The following ARL2BP variants were observed in gnomAD, a reference collection of about 807,000 sequenced individuals.
ARL2BP encodes the protein ADP-ribosylation factor-like protein 2-binding protein.
A neutral mutation model predicts 24.2 loss-of-function variants in ARL2BP; 19 were observed. The ratio of observed to expected loss-of-function variants is 0.79; its 90% CI spans 0.55 to 1.15. The LOEUF (loss-of-function observed/expected upper bound fraction) is 1.15, where lower values mean the gene tolerates loss of function less well. Among genes scored for constraint, ARL2BP ranks in the 50% most tolerant of loss-of-function variants. The pLI is 0.00. For missense variants in ARL2BP, 160 were observed against 190.4 expected, an observed-to-expected ratio of 0.84 and a Z score of 0.94; for synonymous variants, 56 against 70.5, an observed-to-expected ratio of 0.79 and a Z score of 1.03.
intron 1 of ARL2BP, 107 bp from the exon 2 acceptor site, chr16:57,245,973 C>G (rs1488559013): frequency 9.4e-7 from 1 of 1,059,186 alleles, no homozygotes; most frequent in African/African-American, 1.6e-5. Flanking sequence ...ATGGGAAGTT[C>G]GTTTTGCTAC....
chr16:57,249,956 C>G, intron 4 of ARL2BP, 104 bp downstream of exon 4: 1 of 1,068,196 alleles, frequency 9.4e-7, no homozygotes, highest in Non-Finnish European at 1.4e-6. Context: ...CTGTGCATGC[C>G]GTTGGTGGTT....
Position 57,252,410 on chromosome 16 carries a change from A to C in ARL2BP, c.*143A>C. 6.8e-7 allele frequency: 1 copy of C among 1,466,970 alleles called. No homozygotes were observed. 90.9% of individuals were successfully genotyped at this position (1,466,970 alleles called of 1,614,324 possible). ...TGTTAAGTATTAATAGGTCAAAACC[A>C]AAATGACCTAACCCTCCTGGACCTA... On this transcript the variant is annotated 3_prime_UTR_variant, in exon 6 of 6. Coordinates refer to ENST00000219204, the MANE Select transcript of ARL2BP (RefSeq NM_012106.4).
intron 3 of ARL2BP, 69 bp from the exon 4 acceptor site, chr16:57,249,698 C>A: frequency 1.6e-6 from 2 of 1,253,934 alleles, no homozygotes; most frequent in Non-Finnish European, 2.3e-6. Context: ...AAGGGCTGGG[C>A]AGGCTTTCTG....
chr16:57,245,277 T>A lies in ARL2BP; in HGVS notation c.-91T>A. The A allele has an allele frequency of 1.0e-5, 15 of 1,497,572 alleles. No individual in the cohort carries two copies. Among genetic ancestry groups the A allele is most frequent in the Non-Finnish European group, 1.4e-5 (15 of 1,103,564 alleles). The allele number at this position is 1,497,572 out of a possible 1,614,324, so 92.8% of individuals were successfully genotyped here. On this transcript the variant is annotated 5_prime_UTR_variant, in exon 1 of 6. The change creates a new upstream start codon in the 5' untranslated region. Transcript: ENST00000219204. ...ACCTGGCAGTGAGCTGGCCGCGGCC[T>A]TGGCTGAGAGGCCTTAACCCCGCCG...
chr16:57,247,270 T>C (rs1818434465), intron 2 of ARL2BP: 1 of 152,218 alleles, frequency 6.6e-6, no homozygotes, highest in African/African-American at 2.4e-5. Context: ...CTCTTGCCTA[T>C]TATACCCTAT....
At position 57,252,433 on chromosome 16, in the gene ARL2BP, C is replaced by CTATT; in HGVS notation, c.*170_*173dup. ...CCAAAATGACCTAACCCTCCTGGAC[C>CTATT]TATTTATCCTGAAACACCTTCTTGT... On this transcript the variant is annotated 3_prime_UTR_variant, in exon 6 of 6. Coordinates refer to ENST00000219204, the MANE Select transcript of ARL2BP (RefSeq NM_012106.4). 1 of 1,279,054 alleles carries CTATT rather than the reference C, an allele frequency of 7.8e-7. No individual in the cohort carries two copies. Among genetic ancestry groups the CTATT allele is most frequent in the South Asian group, 1.4e-5 (1 of 70,578 alleles). 79.2% of individuals were successfully genotyped at this position (1,279,054 alleles called of 1,614,324 possible). A position where few individuals can be genotyped will look rare whatever the true frequency, so the allele number is the denominator to read the frequency against.
chr16:57,249,688 A>G, intron 3 of ARL2BP, 79 bp from the exon 4 acceptor site: 2 of 1,173,808 alleles, frequency 1.7e-6, no homozygotes, highest in Non-Finnish European at 2.5e-6. Context: ...AATGTTTAGA[A>G]AGGGCTGGGC....
chr16:57,246,035 T>A (rs768358876), intron 1 of ARL2BP, 45 bp from the exon 2 acceptor site: 2 of 1,595,258 alleles, frequency 1.3e-6, no homozygotes, highest in South Asian at 1.1e-5. Flanking sequence ...AACATTTTTT[T>A]AATGCATTAT....
chr16:57,245,431 C>T (rs992166164), intron 1 of ARL2BP, 26 bp downstream of exon 1: 5 of 1,602,200 alleles, frequency 3.1e-6, no homozygotes, highest in Non-Finnish European at 2.6e-6. Flanking sequence ...AGGGCGCAGG[C>T]GACTTGGGGC....
chr16:57,249,481 C>T lies in ARL2BP; in HGVS notation c.208-286C>T, dbSNP rs1489351857. The T allele has an allele frequency of 1.2e-5, 5 of 421,428 alleles. No homozygotes were observed. The Admixed American group carries it at 2.0e-4, about 16-fold the overall frequency. The allele number at this position is 421,428 out of a possible 1,614,324, so 26.1% of individuals were successfully genotyped here. ...CAAAGCCCCCACTTACTGCATCCTG[C>T]ACTGGGTTGTGGGTGTGGGTACCGT... On this transcript the variant is annotated intron_variant, in intron 3 of 5. Coordinates refer to ENST00000219204, the MANE Select transcript of ARL2BP (RefSeq NM_012106.4).
chr16:57,250,659 G>C, intron 5 of ARL2BP, 152 bp downstream of exon 5: 1 of 639,330 alleles, frequency 1.6e-6, no homozygotes, highest in Non-Finnish European at 2.8e-6. Context: ...ATTCTGTTGT[G>C]GCTGGGACCT....
intron 1 of ARL2BP, chr16:57,245,766 C>T (rs1278698343): frequency 6.0e-6 from 3 of 503,858 alleles, no homozygotes; most frequent in African/African-American, 3.9e-5. Flanking sequence ...TGACCCCCCC[C>T]GGCAGGTGTT....
Position 57,252,329 on chromosome 16 carries a change from CATG to C in ARL2BP, c.*67_*69del. On this transcript the variant is annotated 3_prime_UTR_variant, in exon 6 of 6. Coordinates refer to ENST00000219204, the MANE Select transcript of ARL2BP (RefSeq NM_012106.4). The stretch of plus-strand genomic sequence containing the variant: ...TGTCACCAGCCCAATAGGCTCAGCT[CATG>C]ATGACAGAACACATCTTGGAAAGAC... The C allele has an allele frequency of 6.2e-7, 1 of 1,613,366 alleles. No homozygotes were observed. The highest frequency in any genetic ancestry group is 8.5e-7 in the Non-Finnish European group (1 of 1,179,860).
Position 57,245,893 on chromosome 16 carries a change from TGCCGA to T in ARL2BP, c.39-185_39-181del, listed in dbSNP as rs2075388908. On this transcript the variant is annotated intron_variant, in intron 1 of 5. Transcript: ENST00000219204. ...ACATTGAACGTTCATGTCACAAACG[TGCCGA>T]GTGTGTTTTCTTCTGTTTGGACTTA... The T allele has an allele frequency of 2.9e-5, 18 of 629,402 alleles. No individual in the cohort carries two copies. The South Asian group carries it at 3.0e-4, about 11-fold the overall frequency. The allele number at this position is 629,402 out of a possible 1,614,324, so 39.0% of individuals were successfully genotyped here. A position where few individuals can be genotyped will look rare whatever the true frequency, so the allele number is the denominator to read the frequency against.
At chr16:57,249,548 T>C in intron 3 of ARL2BP, 1 of 557,488 alleles carries the variant, frequency 1.8e-6, no homozygotes, top group South Asian at 2.0e-5. Flanking sequence ...TCCACCCTGT[T>C]ACAGCACCAT....
intron 2 of ARL2BP, chr16:57,246,392 C>T (rs2075390501): frequency 2.2e-6 from 1 of 446,260 alleles, no homozygotes; most frequent in East Asian, 3.7e-5. Context: ...AGGGCACCAG[C>T]AGTGTGGCGT....
rs1258465807 is a variant in ARL2BP at position 57,246,223 on chromosome 16, AAG to A, written c.100+86_100+87del. ...ATCAATTTGGAGAGTTAATTTTAAA[AAG>A]AGAAAACATCAAGCTGCCTGCAATT... On this transcript the variant is annotated intron_variant, in intron 2 of 5. Transcript: ENST00000219204. The A allele has an allele frequency of 3.1e-5, 42 of 1,363,794 alleles. No individual in the cohort carries two copies. In the African/African-American group the frequency reaches 5.2e-4, roughly 17 times the overall value. 84.5% of individuals were successfully genotyped at this position (1,363,794 alleles called of 1,614,324 possible). A position where few individuals can be genotyped will look rare whatever the true frequency, so the allele number is the denominator to read the frequency against.
chr16:57,249,686 GA>G, intron 3 of ARL2BP, 80 bp from the exon 4 acceptor site: 1 of 1,162,732 alleles, frequency 8.6e-7, no homozygotes, highest in South Asian at 1.2e-5. Flanking sequence ...GAAATGTTTA[GA>G]AAGGGCTGGG....
rs1246972122 is a variant in ARL2BP at position 57,252,391 on chromosome 16, G to A, written c.*124G>A. 4.5e-6 allele frequency: 7 copies of A among 1,549,930 alleles called. No homozygotes were observed. In the African/African-American group the frequency reaches 9.6e-5, roughly 21 times the overall value. ...TTATGTAACTCTTCATTTATGTTAA[G>A]TATTAATAGGTCAAAACCAAAATGA... is the stretch of plus-strand genomic sequence containing the variant. On this transcript the variant is annotated 3_prime_UTR_variant, in exon 6 of 6. Transcript: ENST00000219204.
Sources: allele counts gnomAD v4.1 joint callset, GRCh38; gene constraint gnomAD v4.1.1; transcripts MANE v1.5; gene names NCBI Gene and HGNC (gene_info 2026-07-23, HGNC 2026-07-21).